Variants in EVC2 observed in about 807,000 individuals in gnomAD.
The protein encoded by EVC2 is limbin.
EVC2 carries 148 observed loss-of-function variants against 149.3 expected under a neutral mutation model. The ratio of observed to expected loss-of-function variants is 0.99; its 90% confidence interval spans 0.87 to 1.14. The LOEUF is 1.14. Among genes scored for constraint, EVC2 ranks in the 50% most tolerant of loss-of-function variants. EVC2 has a pLI of 0.00. For missense variants in EVC2, 1,854 were observed against 1,627.3 expected, an observed-to-expected ratio of 1.14 and a Z score of -2.40; for synonymous variants, 776 against 649.9, an observed-to-expected ratio of 1.19 and a Z score of -2.95.
intron 16 of EVC2, among the ~76,000 whole-genome samples, chr4:5,610,732 T>A (rs147157612): frequency 1.3e-5 from 2 of 152,060 alleles, no homozygotes; most frequent in East Asian, 3.9e-4. Context: ...GTTCAGCTGG[T>A]CTTTACTCTT....
At chr4:5,548,284 G>C (rs1275688002) in intron 21 of EVC2, among the ~76,000 whole-genome samples, 1 of 151,674 alleles carries the variant, frequency 6.6e-6, no homozygotes, top group Admixed American at 6.6e-5. Context: ...CCAGAAAAGT[G>C]ATACCCCAAA....
At position 5,677,841 on chromosome 4, in the gene EVC2, T is replaced by C. The variant is rs984615714; in HGVS notation, c.870+3419A>G. On this transcript the variant is annotated intron_variant, in intron 7 of 21. Coordinates refer to ENST00000344408, the MANE Select transcript of EVC2 (RefSeq NM_147127.5). The surrounding 1 kb of genome is among the most constrained non-coding windows in gnomAD (Gnocchi z 4.3). ...AGGAGCTCACAGACCACCAGAAGAC[T>C]GGTTACCAGTGCACCCGACAGCCTC... 3.3e-5 allele frequency among the ~76,000 whole-genome samples: 5 copies of C among 152,174 alleles called. No homozygotes were observed. The highest frequency in any genetic ancestry group is 5.9e-5 in the Non-Finnish European group (4 of 68,030).
chr4:5,685,124 T>A (rs1345035755), intron 6 of EVC2, among the ~76,000 whole-genome samples: 1 of 152,196 alleles, frequency 6.6e-6, no homozygotes, highest in East Asian at 1.9e-4. Flanking sequence ...TGATTACCTA[T>A]CCTTATGATA....
Position 5,562,907 on chromosome 4 carries a change from T to C in EVC2, c.3868A>G (p.Arg1290Gly), listed in dbSNP as rs1371052060. Residue 1290 changes from arginine (R) to glycine (G), a missense_variant, in exon 22 of 22, where the codon AGG (arginine) becomes GGG (glycine). Transcript: ENST00000344408. This position sits in a 1 kb window ranked among gnomAD's most constrained non-coding sequence, Gnocchi z 4.3. ...EPEISLHVPP[R>G]KKKNFLNAKK... ...GCATTCAAAAAGTTCTTCTTTTTCC[T>C]GGGAGGAACGTGCAGTGAGATCTCT... The C allele has an allele frequency of 5.0e-6, 8 of 1,614,106 alleles. No homozygotes were observed. Among genetic ancestry groups the C allele is most frequent in the African/African-American group, 1.3e-5 (1 of 74,942 alleles).
chr4:5,600,506 T>G (rs1713890582), intron 16 of EVC2, among the ~76,000 whole-genome samples: 1 of 152,176 alleles, frequency 6.6e-6, no homozygotes, highest in South Asian at 2.1e-4. Flanking sequence ...ATTTTTAAGA[T>G]GCAGCCAGTG....
chr4:5,638,771 G>C (rs541283244), intron 10 of EVC2, among the ~76,000 whole-genome samples: 1 of 152,092 alleles, frequency 6.6e-6, no homozygotes, highest in Non-Finnish European at 1.5e-5. Flanking sequence ...AGATGAGAGG[G>C]TTACCAGGGA....
At chr4:5,664,899 G>A (rs894948681) in intron 8 of EVC2, among the ~76,000 whole-genome samples, 2 of 151,726 alleles carry the variant, frequency 1.3e-5, no homozygotes, top group South Asian at 2.1e-4. Flanking sequence ...GATGGGGTAC[G>A]TGTGGGTGAT....
At position 5,632,474 on chromosome 4, in the gene EVC2, A is replaced by G. The variant is rs116345660; in HGVS notation, c.1471-442T>C. Among the ~76,000 whole-genome samples the G allele has an allele frequency of 5.3e-3, 807 of 152,290 alleles. 6 individuals carry two copies. The highest frequency in any genetic ancestry group is 0.018 in the African/African-American group (748 of 41,554). On this transcript the variant is annotated intron_variant, in intron 10 of 21. Coordinates refer to ENST00000344408, the MANE Select transcript of EVC2 (RefSeq NM_147127.5). ...CTAAATGTTTTCTAGAATAATCTCA[A>G]AGCAGAATATTTACAGGGGTGGAAA...
chr4:5,611,992 C>T (rs1714859170), intron 16 of EVC2, among the ~76,000 whole-genome samples: 2 of 152,168 alleles, frequency 1.3e-5, no homozygotes, highest in Non-Finnish European at 1.5e-5. Flanking sequence ...TGTTGATCTT[C>T]CTTACAGATT....
In EVC2 at chr4:5,618,676, G is replaced by C. The variant is rs1246510860; in HGVS notation, c.2508C>G (p.Leu836=). Residue 836 remains leucine (L), a synonymous_variant, in exon 15 of 22, where the codon CTC becomes CTG. Coordinates refer to ENST00000344408, the MANE Select transcript of EVC2 (RefSeq NM_147127.5). The surrounding 1 kb of genome is among the most constrained non-coding windows in gnomAD (Gnocchi z 4.4). ...RRWEHLIFMK[L]CSSVFSLSEE... ...CAGACAGGGAGAAGACTGAGGAGCA[G>C]AGCTTCCTGGGAGGAAGAACAGAGA... The C allele has an allele frequency of 4.4e-6, 7 of 1,595,562 alleles. No homozygotes were observed. The African/African-American group carries it at 9.4e-5, about 21-fold the overall frequency.
chr4:5,586,647 C>CA (rs1259061867), intron 16 of EVC2, among the ~76,000 whole-genome samples: 1 of 148,282 alleles, frequency 6.7e-6, no homozygotes, highest in Non-Finnish European at 1.5e-5. Context: ...TTGGTCTCCA[C>CA]AACCCCCTTA....
At position 5,584,683 on chromosome 4, in the gene EVC2, C is replaced by G. The variant is rs187067453; in HGVS notation, c.2997G>C (p.Leu999=). 1 of 1,614,102 alleles carries G rather than the reference C, an allele frequency of 6.2e-7. No homozygotes were observed. The highest frequency in any genetic ancestry group is 2.2e-5 in the East Asian group (1 of 44,878). The part of the protein sequence containing the change: ...LSIQDLLLEE[L]SASEMLTKSA... Reference sequence around the variant, plus strand: ...ACTTGGTCAGCATCTCAGATGCACTCAGCTCTTCCAGGAGCAAGTCCTGGA... The same window carrying G: ...ACTTGGTCAGCATCTCAGATGCACTGAGCTCTTCCAGGAGCAAGTCCTGGA... Residue 999 remains leucine (L), a synonymous_variant, in exon 17 of 22, where the codon CTG becomes CTC. Coordinates refer to ENST00000344408, the MANE Select transcript of EVC2 (RefSeq NM_147127.5).
intron 8 of EVC2, among the ~76,000 whole-genome samples, chr4:5,664,387 C>T (rs1021213350): frequency 3.9e-5 from 6 of 152,164 alleles, no homozygotes; most frequent in African/African-American, 1.2e-4. Flanking sequence ...AGGGTCTTCA[C>T]GCCTTAAATC....
At chr4:5,664,064 C>T (rs1470772164) in intron 8 of EVC2, among the ~76,000 whole-genome samples, 3 of 152,216 alleles carry the variant, frequency 2.0e-5, no homozygotes, top group Non-Finnish European at 2.9e-5. Flanking sequence ...ATAGCTATAG[C>T]TAACCTTTAA....
chr4:5,562,534 A>G lies in EVC2; in HGVS notation c.*314T>C. ...AAGAGTAGAGAATCTGGCTGTCACC[A>G]CACAGACCATAGCTTCTGCAGCAGA... On this transcript the variant is annotated 3_prime_UTR_variant, in exon 22 of 22. Coordinates refer to ENST00000344408, the MANE Select transcript of EVC2 (RefSeq NM_147127.5). This position sits in a 1 kb window ranked among gnomAD's most constrained non-coding sequence, Gnocchi z 4.3. 7.9e-7 allele frequency: 1 copy of G among 1,265,890 alleles called. No homozygotes were observed. Among genetic ancestry groups the G allele is most frequent in the Non-Finnish European group, 1.0e-6 (1 of 999,662 alleles). The allele number at this position is 1,265,890 out of a possible 1,614,324, so 78.4% of individuals were successfully genotyped here.
chr4:5,688,373 A>G (rs1720864490), intron 5 of EVC2, among the ~76,000 whole-genome samples: 1 of 152,142 alleles, frequency 6.6e-6, no homozygotes, highest in Non-Finnish European at 1.5e-5. Context: ...AGGGAGCCAC[A>G]CTGCCTGAGC....
At chr4:5,671,057 C>G (rs1184217917) in intron 7 of EVC2, among the ~76,000 whole-genome samples, 1 of 152,214 alleles carries the variant, frequency 6.6e-6, no homozygotes, top group African/African-American at 2.4e-5. Context: ...ATACTAAGCA[C>G]CAGGGATGGA....
At chr4:5,681,386 T>C (rs1013364865) in intron 6 of EVC2, 73 bp from the exon 7 acceptor site, 30 of 1,486,154 alleles carry the variant, frequency 2.0e-5, no homozygotes, top group Non-Finnish European at 2.8e-5. Flanking sequence ...TTTGGTGCGA[T>C]TTCCAACCCT....
Position 5,640,627 on chromosome 4 carries a change from C to A in EVC2, c.1357G>T (p.Ala453Ser), listed in dbSNP as rs750135433. The A allele has an allele frequency of 6.2e-7, 1 of 1,614,110 alleles. No homozygotes were observed. Among genetic ancestry groups the A allele is most frequent in the South Asian group, 1.1e-5 (1 of 91,072 alleles). Residue 453 changes from alanine to serine, a missense_variant, in exon 10 of 22, where the codon GCA (alanine) becomes TCA (serine). Coordinates refer to ENST00000344408, the MANE Select transcript of EVC2 (RefSeq NM_147127.5). The surrounding 1 kb of genome is among the most constrained non-coding windows in gnomAD (Gnocchi z 4.6). ...TCCAGGTCACATTCAGCTGTCAATG[C>A]CACCATCTTCCGATCGTACTCCTCT... The part of the protein sequence containing the change: ...IQEEYDRKMV[A>S]LTAECDLETR...
Sources: gnomAD v4.1 joint callset for allele counts (sites outside exome capture counted in the v4.1 genomes callset) on GRCh38, gnomAD v4.1.1 for gene constraint, Gnocchi (gnomAD v3.1) non-coding constraint, MANE v1.5 for transcripts, NCBI Gene and HGNC (gene_info 2026-07-23, HGNC 2026-07-21) for gene names.